The following PTPN11 variants were observed in gnomAD, a reference collection of about 807,000 sequenced individuals.
PTPN11 encodes the protein tyrosine-protein phosphatase non-receptor type 11.
In PTPN11, 6 loss-of-function variants were observed where a neutral mutation model predicts 78.8. The observed-to-expected ratio is 0.08, with a 90% CI of 0.04 to 0.15. PTPN11 has a LOEUF of 0.15. Among genes scored for constraint, PTPN11 ranks in the 10% least tolerant of loss-of-function variants. The probability of loss-of-function intolerance (pLI) is 1.00; values close to 1 mark genes in which losing one functional copy is unlikely to be tolerated. For missense variants in PTPN11, 386 were observed against 744.8 expected, an observed-to-expected ratio of 0.52 and a Z score of 5.61; for synonymous variants, 221 against 263.5, an observed-to-expected ratio of 0.84 and a Z score of 1.56.
chr12:112,502,630 C>T (rs990363115), intron 14 of PTPN11, among the ~76,000 whole-genome samples: 5 of 152,080 alleles, frequency 3.3e-5, no homozygotes, highest in African/African-American at 1.2e-4. Context: ...GCCTGTAATC[C>T]CAGCTACTCA....
intron 13 of PTPN11, 50 bp downstream of exon 13, chr12:112,489,225 C>A: frequency 6.2e-7 from 1 of 1,601,294 alleles, no homozygotes; most frequent in South Asian, 1.1e-5. Context: ...TGCTAGGCCT[C>A]TTGGATACGC....
At chr12:112,419,146 C>G (rs571349888) in intron 1 of PTPN11, 21 bp downstream of exon 1, 2 of 1,504,150 alleles carry the variant, frequency 1.3e-6, no homozygotes, top group Non-Finnish European at 1.8e-6. Flanking sequence ...CCGAGGGGCC[C>G]GGCGCGGGCC....
chr12:112,442,830 T>TTTTATATATATATA (rs1348198967), intron 1 of PTPN11, among the ~76,000 whole-genome samples: 1 of 43,532 alleles, frequency 2.3e-5, no homozygotes, highest in Non-Finnish European at 6.0e-5. Flanking sequence ...CTCTCTCTTT[T>TTTTATATATATATA]TATATATATA....
At chr12:112,489,329 T>G (rs1385205512) in intron 13 of PTPN11, among the ~76,000 whole-genome samples, 154 bp downstream of exon 13, 1 of 152,196 alleles carries the variant, frequency 6.6e-6, no homozygotes, top group Non-Finnish European at 1.5e-5. Context: ...CTGGAAACTG[T>G]CAATTATTCT....
chr12:112,457,945 G>A (rs912621241), intron 6 of PTPN11, among the ~76,000 whole-genome samples: 1 of 152,168 alleles, frequency 6.6e-6, no homozygotes, highest in Non-Finnish European at 1.5e-5. Context: ...TGTTGAATGA[G>A]ATTTACATTT....
intron 1 of PTPN11, among the ~76,000 whole-genome samples, chr12:112,430,898 A>G (rs1439592268): frequency 6.6e-6 from 1 of 152,186 alleles, no homozygotes. Context: ...GCAAATTCTT[A>G]TTAAAATGAC....
intron 6 of PTPN11, among the ~76,000 whole-genome samples, chr12:112,466,008 G>T (rs2038320745): frequency 6.6e-6 from 1 of 152,178 alleles, no homozygotes; most frequent in African/African-American, 2.4e-5. Flanking sequence ...CCGACTGTAT[G>T]TCTGGATCTA....
intron 7 of PTPN11, among the ~76,000 whole-genome samples, chr12:112,475,041 A>T (rs1048016191): frequency 6.6e-6 from 1 of 152,122 alleles, no homozygotes; most frequent in Non-Finnish European, 1.5e-5. Flanking sequence ...ACTGCACTAA[A>T]CCAGTCACAG....
At chr12:112,428,420 C>G (rs1476796120) in intron 1 of PTPN11, among the ~76,000 whole-genome samples, 1 of 128,818 alleles carries the variant, frequency 7.8e-6, no homozygotes, top group Non-Finnish European at 1.6e-5. Flanking sequence ...TTTTTTTTGC[C>G]TCACTTACTA....
chr12:112,484,716 C>G (rs1017344243), intron 10 of PTPN11, among the ~76,000 whole-genome samples: 1 of 151,862 alleles, frequency 6.6e-6, no homozygotes, highest in Admixed American at 6.6e-5. Flanking sequence ...AACAATGTAG[C>G]TGTCAAGTGG....
intron 9 of PTPN11, 104 bp from the exon 10 acceptor site, chr12:112,481,970 T>C: frequency 8.2e-7 from 1 of 1,223,810 alleles, no homozygotes; most frequent in Non-Finnish European, 1.2e-6. Context: ...CCATTTTCCA[T>C]GTTGGTGGTT....
rs1326945291 is a variant in PTPN11 at position 112,508,780 on chromosome 12, T to C, written c.*2988T>C. 3.3e-5 allele frequency: 5 copies of C among 152,106 alleles called. No individual in the cohort carries two copies. The highest frequency in any genetic ancestry group is 2.6e-4 in the Admixed American group (4 of 15,260). 9.4% of individuals were successfully genotyped at this position (152,106 alleles called of 1,614,324 possible). On this transcript the variant is annotated 3_prime_UTR_variant, in exon 16 of 16. Transcript: ENST00000351677. Reference sequence around the variant, plus strand: ...GGCCCTTCTGAAACTTATGGTCATCTCTCCCACTGAAACCAAGGTCTTTTC... The same window carrying C: ...GGCCCTTCTGAAACTTATGGTCATCCCTCCCACTGAAACCAAGGTCTTTTC...
Position 112,426,160 on chromosome 12 carries a change from C to T in PTPN11, c.14+7035C>T, listed in dbSNP as rs550502770. On this transcript the variant is annotated intron_variant, in intron 1 of 15. Transcript: ENST00000351677. ...CATCAGCATCTTTTTTTAAAACTCA[C>T]TTGACATAAGTCCCTAGCCTCAAAG... is the stretch of plus-strand genomic sequence containing the variant. Among the ~76,000 whole-genome samples the T allele has an allele frequency of 8.0e-4, 122 of 152,298 alleles. 1 individual carries two copies. Among genetic ancestry groups the T allele is most frequent in the Non-Finnish European group, 1.4e-3 (98 of 68,018 alleles).
intron 6 of PTPN11, among the ~76,000 whole-genome samples, chr12:112,463,787 A>G (rs554106472): frequency 3.3e-5 from 5 of 152,356 alleles, no homozygotes; most frequent in East Asian, 1.9e-4. Flanking sequence ...AAATTAGGGC[A>G]TTAACGTTTC....
intron 1 of PTPN11, among the ~76,000 whole-genome samples, chr12:112,421,093 T>C (rs182396304): frequency 4.8e-4 from 73 of 152,328 alleles, no homozygotes; most frequent in African/African-American, 1.7e-3. Flanking sequence ...GTGGTAAAGA[T>C]GACAGTTTGA....
chr12:112,424,720 CT>C (rs35322236), intron 1 of PTPN11, among the ~76,000 whole-genome samples: 2 of 149,508 alleles, frequency 1.3e-5, no homozygotes. Flanking sequence ...GCTTTAACAA[CT>C]TTTTTTTTTG....
At chr12:112,443,117 C>T (rs187153485) in intron 1 of PTPN11, among the ~76,000 whole-genome samples, 2 of 151,410 alleles carry the variant, frequency 1.3e-5, no homozygotes, top group South Asian at 4.2e-4. Flanking sequence ...CAGTATATCA[C>T]CAAATGTATA....
At chr12:112,425,588 A>T (rs780521382) in intron 1 of PTPN11, among the ~76,000 whole-genome samples, 13 of 152,344 alleles carry the variant, frequency 8.5e-5, no homozygotes, top group Admixed American at 5.9e-4. Flanking sequence ...GTTTTATTAC[A>T]TGAATGTATT....
At chr12:112,434,759 T>C (rs540230724) in intron 1 of PTPN11, among the ~76,000 whole-genome samples, 2 of 152,252 alleles carry the variant, frequency 1.3e-5, no homozygotes, top group South Asian at 2.1e-4. Flanking sequence ...TACGTGTCAG[T>C]GTATATATGT....
Sources: allele counts gnomAD v4.1 joint callset (sites outside exome capture counted in the v4.1 genomes callset), GRCh38; gene constraint gnomAD v4.1.1; transcripts MANE v1.5; gene names NCBI Gene and HGNC (gene_info 2026-07-23, HGNC 2026-07-21).